LRRK1: variants seen among roughly 807,000 people sequenced by gnomAD.
The protein encoded by LRRK1 is leucine-rich repeat serine/threonine-protein kinase 1.
LRRK1 carries 113 observed loss-of-function variants against 209.1 expected under a neutral mutation model. The observed-to-expected ratio is 0.54, with a 90% CI of 0.46 to 0.63. The LOEUF (loss-of-function observed/expected upper bound fraction) is 0.63, where lower values mean the gene tolerates loss of function less well. LRRK1 is among the 30% of genes least tolerant of loss of function. The probability of loss-of-function intolerance (pLI) is 0.00; values close to 1 mark genes in which losing one functional copy is unlikely to be tolerated. For synonymous variants in LRRK1, 1,144 were observed against 1,099.7 expected (o/e 1.04, Z -0.80); for missense variants, 2,284 against 2,632.2 (o/e 0.87, Z 2.89).
At chr15:101,047,515 G>A (rs1164443668) in intron 21 of LRRK1, among the ~76,000 whole-genome samples, 2 of 152,256 alleles carry the variant, frequency 1.3e-5, no homozygotes, top group African/African-American at 4.8e-5. Context: ...GCCCTTCCGG[G>A]CAGCAGCTTC....
intron 2 of LRRK1, among the ~76,000 whole-genome samples, chr15:100,938,827 C>T (rs1009966047): frequency 3.3e-5 from 5 of 152,174 alleles, no homozygotes; most frequent in Admixed American, 6.5e-5. Context: ...TGTGGTGGCT[C>T]ATGCCTGTAA....
rs146915480 is a variant in LRRK1, at chr15:101,053,719, C to A, written c.4054+299C>A. On this transcript the variant is annotated intron_variant, in intron 26 of 33. Coordinates refer to ENST00000388948, the MANE Select transcript of LRRK1 (RefSeq NM_024652.6). ...GTAAAAGGAGGATGGTAACAGGCCTCGCTGGGAGGGCACCGAGCACGGGAG... is the reference window on the plus strand; with the variant it reads ...GTAAAAGGAGGATGGTAACAGGCCTAGCTGGGAGGGCACCGAGCACGGGAG... Among the ~76,000 whole-genome samples, 829 of 152,318 alleles carry A rather than the reference C, an allele frequency of 5.4e-3. 8 individuals are homozygous for A. Among genetic ancestry groups the A allele is most frequent in the Middle Eastern group, 0.014 (4 of 294 alleles).
intron 6 of LRRK1, among the ~76,000 whole-genome samples, chr15:101,002,870 A>G (rs1246582030): frequency 6.6e-6 from 1 of 152,118 alleles, no homozygotes; most frequent in East Asian, 1.9e-4. Context: ...AGCTGGGACT[A>G]CAGGTGTGCA....
intron 21 of LRRK1, among the ~76,000 whole-genome samples, chr15:101,048,002 G>GTGTT (rs1237955983): frequency 6.6e-6 from 1 of 151,980 alleles, no homozygotes; most frequent in East Asian, 1.9e-4. Context: ...AATTTTATGT[G>GTGTT]TGTTTTTAAT....
chr15:101,020,089 C>G (rs938388691), intron 12 of LRRK1, among the ~76,000 whole-genome samples: 49 of 152,178 alleles, frequency 3.2e-4, no homozygotes, highest in African/African-American at 1.1e-3. Context: ...ATGGAAAAAG[C>G]AACGCATGTA....
intron 10 of LRRK1, among the ~76,000 whole-genome samples, chr15:101,013,932 C>CCATG (rs1181993592): frequency 2.0e-5 from 3 of 152,166 alleles, no homozygotes; most frequent in Admixed American, 6.5e-5. Context: ...ACTGCATGCC[C>CCATG]CATGCCACCC....
chr15:101,018,178 T>TAAAAAAAAAAAAAA, intron 12 of LRRK1, among the ~76,000 whole-genome samples: 1 of 126,610 alleles, frequency 7.9e-6, no homozygotes, highest in Non-Finnish European at 1.7e-5. Context: ...CAAATTGATT[T>TAAAAAAAAAAAAAA]AAAAAAAAAA....
chr15:101,004,891 C>G (rs2032869221), intron 6 of LRRK1, among the ~76,000 whole-genome samples: 1 of 152,200 alleles, frequency 6.6e-6, no homozygotes. Context: ...AATTTGATTA[C>G]TTGCTGTTGT....
At chr15:101,061,026 C>G (rs571651083) in intron 29 of LRRK1, 145 bp from the exon 30 acceptor site, 2 of 675,548 alleles carry the variant, frequency 3.0e-6, no homozygotes, top group African/African-American at 3.6e-5. Context: ...GGGCAGAACC[C>G]GGCTCTGCCC....
intron 29 of LRRK1, among the ~76,000 whole-genome samples, chr15:101,059,679 C>T (rs544581628): frequency 3.9e-5 from 6 of 152,234 alleles, no homozygotes; most frequent in Non-Finnish European, 7.4e-5. Flanking sequence ...TGGATAGACT[C>T]GTGACATAGT....
intron 3 of LRRK1, among the ~76,000 whole-genome samples, chr15:100,977,187 GAAAA>G (rs35118841): frequency 1.4e-5 from 2 of 142,712 alleles, no homozygotes; most frequent in Non-Finnish European, 1.5e-5. Flanking sequence ...CTGGCACAGA[GAAAA>G]AAAAAAAAAA....
chr15:100,935,144 T>C (rs150716592), intron 2 of LRRK1, among the ~76,000 whole-genome samples: 1 of 152,328 alleles, frequency 6.6e-6, no homozygotes, highest in African/African-American at 2.4e-5. Context: ...ATGATGTTTC[T>C]ATTCCAGCAG....
Position 100,924,547 on chromosome 15 carries a change from C to A in LRRK1, c.-86C>A. ...TTTCTGCTCAGCCATGGCTACGAGT[C>A]CACGCCTTAATGCACCCCACAGCCA... On this transcript the variant is annotated 5_prime_UTR_variant, in exon 2 of 34. Transcript: ENST00000388948. 1.7e-6 allele frequency: 2 copies of A among 1,165,792 alleles called. No individual in the cohort carries two copies. Among genetic ancestry groups the A allele is most frequent in the African/African-American group, 1.5e-5 (1 of 66,164 alleles). The allele number at this position is 1,165,792 out of a possible 1,614,324, so 72.2% of individuals were successfully genotyped here. A position where few individuals can be genotyped will look rare whatever the true frequency, so the allele number is the denominator to read the frequency against.
chr15:100,931,776 GAAGC>G (rs1167802853), intron 2 of LRRK1, among the ~76,000 whole-genome samples: 6 of 152,164 alleles, frequency 3.9e-5, no homozygotes, highest in African/African-American at 1.4e-4. Flanking sequence ...TCAAAAATAA[GAAGC>G]AAGCGAAGAA....
At chr15:100,969,515 G>A (rs369478701) in intron 2 of LRRK1, among the ~76,000 whole-genome samples, 1 of 151,780 alleles carries the variant, frequency 6.6e-6, no homozygotes, top group Non-Finnish European at 1.5e-5. Flanking sequence ...TTCAAGTTCA[G>A]GGGTACATGA....
At chr15:101,011,953 C>T (rs2033270054) in intron 9 of LRRK1, 55 bp from the exon 10 acceptor site, 17 of 1,269,978 alleles carry the variant, frequency 1.3e-5, no homozygotes, top group Non-Finnish European at 1.9e-5. Context: ...TCAAAGGCAC[C>T]ACTGCATTTA....
In LRRK1 at chr15:100,988,760, A is replaced by G. The variant is rs1357929316; in HGVS notation, c.560A>G (p.Lys187Arg). The G allele has an allele frequency of 6.2e-7, 1 of 1,613,232 alleles. No homozygotes were observed. Among genetic ancestry groups the G allele is most frequent in the African/African-American group, 1.3e-5 (1 of 74,932 alleles). Residue 187 changes from lysine (K) to arginine (R), a missense_variant, in exon 5 of 34, where the codon AAG (lysine) becomes AGG (arginine). Coordinates refer to ENST00000388948, the MANE Select transcript of LRRK1 (RefSeq NM_024652.6). ...GACCCGGAGAGCTACGCTGTCAGGA[A>G]GAATGAGTTCCCTGTCATCGTGCGC... The part of the protein sequence containing the change: ...GADPESYAVR[K>R]NEFPVIVRLP...
At chr15:100,921,176 C>G (rs1252143611) in intron 1 of LRRK1, among the ~76,000 whole-genome samples, 1 of 152,176 alleles carries the variant, frequency 6.6e-6, no homozygotes, top group Non-Finnish European at 1.5e-5. Context: ...TTGCTGTGCC[C>G]TCATTCCCAT....
At chr15:101,018,439 C>G (rs1474582259) in intron 12 of LRRK1, among the ~76,000 whole-genome samples, 3 of 152,098 alleles carry the variant, frequency 2.0e-5, no homozygotes, top group Non-Finnish European at 4.4e-5. Context: ...TCATGCCAGG[C>G]GGGATGATGG....
Sources: gnomAD v4.1 joint callset for allele counts (sites outside exome capture counted in the v4.1 genomes callset) on GRCh38, gnomAD v4.1.1 for gene constraint, MANE v1.5 for transcripts, NCBI Gene and HGNC (gene_info 2026-07-23, HGNC 2026-07-21) for gene names.